CNTN6: variants seen among roughly 807,000 people sequenced by gnomAD.
The protein encoded by CNTN6 is contactin 6, also known as contactin-6.
Under a neutral mutation model 122.8 loss-of-function variants are expected in CNTN6, and 137 were observed. The observed-to-expected ratio is 1.12, with a 90% CI of 0.97 to 1.29. The LOEUF is 1.29. Ranked by LOEUF, CNTN6 falls within the 50% of genes most tolerant of loss-of-function variation. The probability of loss-of-function intolerance (pLI) is 0.00; values close to 1 mark genes in which losing one functional copy is unlikely to be tolerated. For synonymous variants in CNTN6, 570 were observed against 426.0 expected, an observed-to-expected ratio of 1.34 and a Z score of -4.16; for missense variants, 1,634 against 1,223.4, an observed-to-expected ratio of 1.34 and a Z score of -5.01.
intron 17 of CNTN6, among the ~76,000 whole-genome samples, chr3:1,378,994 A>G (rs932138142): frequency 6.6e-6 from 1 of 152,160 alleles, no homozygotes; most frequent in African/African-American, 2.4e-5. Context: ...TTAGGTTTCT[A>G]TATTCATCAA....
intron 2 of CNTN6, among the ~76,000 whole-genome samples, chr3:1,155,832 C>G (rs78668282): frequency 0.012 from 1,884 of 152,278 alleles, 21 homozygotes; most frequent in Non-Finnish European, 0.019. Flanking sequence ...TACAGTTTCT[C>G]TCTATTTTGA....
At chr3:1,222,530 A>C (rs1415522738) in intron 3 of CNTN6, among the ~76,000 whole-genome samples, 2 of 151,554 alleles carry the variant, frequency 1.3e-5, no homozygotes, top group African/African-American at 4.9e-5. Context: ...GATATAAAAT[A>C]GGTTCTCAAG....
chr3:1,266,898 C>T (rs2094934325), intron 4 of CNTN6, among the ~76,000 whole-genome samples: 1 of 150,936 alleles, frequency 6.6e-6, no homozygotes, highest in Non-Finnish European at 1.5e-5. Context: ...TACAAGTGAG[C>T]TTCTGGCCAG....
At position 1,373,685 on chromosome 3, in the gene CNTN6, A is replaced by G. The variant is rs774912210; in HGVS notation, c.1868A>G (p.Asp623Gly). ...TSQLSWRAGPDNNSPIQIFTI... is the reference protein window; with the variant it reads ...TSQLSWRAGPGNNSPIQIFTI... ...CAACTAAGTTGGAGAGCAGGCCCAG[A>G]TAATAACAGTCCCATTCAAATATTT... Residue 623 changes from aspartate (D) to glycine (G), a missense_variant, in exon 15 of 23, where the codon GAT becomes GGT. Physicochemically the swap from Asp to Gly is moderately conservative, Grantham distance 94. Transcript: ENST00000446702. 16 of 1,613,076 alleles carry G rather than the reference A, an allele frequency of 9.9e-6. No individual in the cohort carries two copies. The highest frequency in any genetic ancestry group is 8.9e-5 in the East Asian group (4 of 44,858).
At chr3:1,353,198 T>A (rs1203780206) in intron 12 of CNTN6, among the ~76,000 whole-genome samples, 4 of 151,722 alleles carry the variant, frequency 2.6e-5, no homozygotes, top group African/African-American at 9.7e-5. Context: ...ATCATTTCAT[T>A]GCCTCCTGGA....
chr3:1,225,203 G>A (rs1253976523), intron 3 of CNTN6, among the ~76,000 whole-genome samples: 1 of 152,132 alleles, frequency 6.6e-6, no homozygotes, highest in Non-Finnish European at 1.5e-5. Flanking sequence ...CATTTCCTAG[G>A]TTGCATCATA....
chr3:1,148,083 T>C lies in CNTN6; in HGVS notation c.55+20T>C, dbSNP rs1157106616. The C allele has an allele frequency of 6.3e-7, 1 of 1,580,430 alleles. No individual in the cohort carries two copies. The highest frequency in any genetic ancestry group is 1.7e-5 in the Admixed American group (1 of 59,724). On this transcript the variant is annotated intron_variant, in intron 2 of 22. Coordinates refer to ENST00000446702, the MANE Select transcript of CNTN6 (RefSeq NM_001289080.2). ...CTGCAGGTAAAGTGTTCTATTATTA[T>C]AAGTTTTGATTGATAAATATATTGG...
At chr3:1,305,679 A>C (rs573982474) in intron 7 of CNTN6, among the ~76,000 whole-genome samples, 3 of 152,068 alleles carry the variant, frequency 2.0e-5, no homozygotes, top group African/African-American at 7.2e-5. Flanking sequence ...TTTTTAAAAA[A>C]ATCTTAATTT....
At chr3:1,204,813 T>G (rs1433506381) in intron 2 of CNTN6, among the ~76,000 whole-genome samples, 4 of 152,170 alleles carry the variant, frequency 2.6e-5, no homozygotes, top group African/African-American at 9.7e-5. Context: ...AATATAACTC[T>G]TAATTACATC....
chr3:1,171,490 C>A (rs1256945907), intron 2 of CNTN6, among the ~76,000 whole-genome samples: 1 of 152,214 alleles, frequency 6.6e-6, no homozygotes, highest in Non-Finnish European at 1.5e-5. Context: ...TGTTTAGCAG[C>A]ATTCCTGCCT....
At chr3:1,168,315 C>T (rs556290109) in intron 2 of CNTN6, among the ~76,000 whole-genome samples, 2 of 149,260 alleles carry the variant, frequency 1.3e-5, no homozygotes, top group Non-Finnish European at 3.0e-5. Context: ...CCCAAAAGCC[C>T]CAGTAAATGG....
intron 2 of CNTN6, among the ~76,000 whole-genome samples, chr3:1,200,854 ATTT>A (rs1179143346): frequency 6.7e-6 from 1 of 150,296 alleles, no homozygotes; most frequent in Non-Finnish European, 1.5e-5. Context: ...ATACTCCTTT[ATTT>A]CTCTCAGGGC....
chr3:1,252,075 C>T (rs758921827), intron 4 of CNTN6, among the ~76,000 whole-genome samples: 1 of 152,170 alleles, frequency 6.6e-6, no homozygotes, highest in Non-Finnish European at 1.5e-5. Flanking sequence ...TCCCATCTAT[C>T]ACATACCATT....
At chr3:1,145,657 A>G (rs1001015225) in intron 1 of CNTN6, among the ~76,000 whole-genome samples, 11 of 152,172 alleles carry the variant, frequency 7.2e-5, no homozygotes, top group African/African-American at 1.9e-4. Context: ...CTACCATTGT[A>G]TAGGTTTTTA....
chr3:1,223,770 C>G (rs1009911499), intron 3 of CNTN6, among the ~76,000 whole-genome samples: 2 of 152,196 alleles, frequency 1.3e-5, no homozygotes, highest in African/African-American at 4.8e-5. Flanking sequence ...GTAATTTAGT[C>G]TACTCTACCC....
chr3:1,094,788 C>T, intron 1 of CNTN6, among the ~76,000 whole-genome samples: 1 of 151,526 alleles, frequency 6.6e-6, no homozygotes, highest in Admixed American at 6.6e-5. Flanking sequence ...AGTAAAAATG[C>T]TCAGTAGTAT....
intron 2 of CNTN6, among the ~76,000 whole-genome samples, chr3:1,195,336 T>C (rs140908610): frequency 1.7e-3 from 256 of 152,262 alleles, no homozygotes; most frequent in Non-Finnish European, 3.1e-3. Flanking sequence ...TAAACCATCT[T>C]TTCAATGGTA....
intron 2 of CNTN6, among the ~76,000 whole-genome samples, chr3:1,170,456 C>T (rs762159052): frequency 6.6e-6 from 1 of 152,012 alleles, no homozygotes; most frequent in East Asian, 1.9e-4. Flanking sequence ...AATAACAAAC[C>T]TGGGTGTCTA....
intron 1 of CNTN6, among the ~76,000 whole-genome samples, chr3:1,124,364 A>G (rs1190760395): frequency 6.6e-6 from 1 of 151,630 alleles, no homozygotes; most frequent in African/African-American, 2.4e-5. Flanking sequence ...TTTCCCCTCC[A>G]TCTCCTCCAA....
Sources: allele counts gnomAD v4.1 joint callset (sites outside exome capture counted in the v4.1 genomes callset), GRCh38; gene constraint gnomAD v4.1.1; transcripts MANE v1.5; gene names NCBI Gene and HGNC (gene_info 2026-07-23, HGNC 2026-07-21).